The following DPYD variants were observed in gnomAD, a reference collection of about 807,000 sequenced individuals.
The protein encoded by DPYD is dihydropyrimidine dehydrogenase [NADP(+)].
DPYD carries 109 observed loss-of-function variants against 116.2 expected under a neutral mutation model. The observed-to-expected ratio is 0.94, with a 90% CI of 0.80 to 1.10. The LOEUF (loss-of-function observed/expected upper bound fraction) is 1.10, where lower values mean the gene tolerates loss of function less well. DPYD is among the 50% of genes least tolerant of loss of function. The pLI is 0.00. For synonymous variants in DPYD, 440 were observed against 432.0 expected, an observed-to-expected ratio of 1.02 and a Z score of -0.23; for missense variants, 1,302 against 1,254.5, an observed-to-expected ratio of 1.04 and a Z score of -0.57.
chr1:97,337,464 GACC>G (rs966154640), intron 16 of DPYD, among the ~76,000 whole-genome samples: 2 of 152,004 alleles, frequency 1.3e-5, no homozygotes, highest in Admixed American at 6.6e-5. Context: ...CTTCTGCCCT[GACC>G]ACCACATGCT....
intron 18 of DPYD, among the ~76,000 whole-genome samples, chr1:97,238,193 T>G (rs1002481809): frequency 2.0e-5 from 3 of 152,168 alleles, no homozygotes; most frequent in African/African-American, 7.2e-5. Context: ...ACAGAAAATC[T>G]TTTCAAAAAA....
chr1:97,518,817 A>G (rs1246495085), intron 12 of DPYD, among the ~76,000 whole-genome samples: 1 of 152,150 alleles, frequency 6.6e-6, no homozygotes, highest in Non-Finnish European at 1.5e-5. Context: ...CAGAAATGAT[A>G]CAGAAGAAAA....
intron 18 of DPYD, among the ~76,000 whole-genome samples, chr1:97,237,882 A>G (rs1462544389): frequency 6.6e-6 from 1 of 152,156 alleles, no homozygotes; most frequent in Non-Finnish European, 1.5e-5. Context: ...AATTTGAGCT[A>G]AGTAGATAAA....
At chr1:97,822,362 ATAT>A (rs1323938382) in intron 3 of DPYD, among the ~76,000 whole-genome samples, 1 of 148,034 alleles carries the variant, frequency 6.8e-6, no homozygotes, top group Non-Finnish European at 1.5e-5. Flanking sequence ...AAATTTATAA[ATAT>A]TGTAAAATTC....
chr1:97,350,575 T>C (rs567148159), intron 16 of DPYD, among the ~76,000 whole-genome samples: 1 of 152,270 alleles, frequency 6.6e-6, no homozygotes, highest in South Asian at 2.1e-4. Flanking sequence ...TAATAGCTTA[T>C]TATTGGAGCA....
intron 20 of DPYD, among the ~76,000 whole-genome samples, chr1:97,115,438 C>T (rs890865889): frequency 6.6e-6 from 1 of 152,106 alleles, no homozygotes; most frequent in African/African-American, 2.4e-5. Context: ...GTGGCCATTT[C>T]AAAGAGAAGC....
intron 16 of DPYD, among the ~76,000 whole-genome samples, chr1:97,323,425 CATATGTGTATATGTACACGTATATACAT>C: frequency 1.4e-5 from 1 of 71,228 alleles, no homozygotes; most frequent in South Asian, 4.0e-4. Flanking sequence ...CGTATATATA[CATATGTGTATATGTACACGTATATACAT>C]ATCATATATA....
chr1:97,461,481 A>G (rs1420204643), intron 13 of DPYD, among the ~76,000 whole-genome samples: 5 of 152,156 alleles, frequency 3.3e-5, no homozygotes, highest in African/African-American at 1.2e-4. Flanking sequence ...TGGCTACCTT[A>G]GGGAACCTTC....
intron 8 of DPYD, among the ~76,000 whole-genome samples, chr1:97,646,393 G>C (rs557182410): frequency 6.7e-6 from 1 of 148,404 alleles, no homozygotes; most frequent in Non-Finnish European, 1.5e-5. Context: ...TCATTCTTAT[G>C]CTCCTCCCAT....
chr1:97,491,319 A>G (rs1220752356), intron 13 of DPYD, among the ~76,000 whole-genome samples: 1 of 151,348 alleles, frequency 6.6e-6, no homozygotes, highest in Non-Finnish European at 1.5e-5. Context: ...TAATTCCTTC[A>G]TGGTGCCTGG....
intron 4 of DPYD, among the ~76,000 whole-genome samples, chr1:97,736,915 A>G (rs1353274896): frequency 4.0e-5 from 6 of 151,260 alleles, no homozygotes; most frequent in African/African-American, 1.5e-4. Context: ...TAATCTACAT[A>G]GCATATGTAC....
intron 18 of DPYD, among the ~76,000 whole-genome samples, chr1:97,293,067 A>C (rs969666225): frequency 6.6e-6 from 1 of 152,206 alleles, no homozygotes; most frequent in Non-Finnish European, 1.5e-5. Flanking sequence ...GTTATTTCTC[A>C]GTATATTAAT....
chr1:97,588,005 CAGG>C (rs1654258678), intron 10 of DPYD, among the ~76,000 whole-genome samples: 1 of 151,968 alleles, frequency 6.6e-6, no homozygotes, highest in Non-Finnish European at 1.5e-5. Context: ...GGAAAAAAAT[CAGG>C]TAAAAGGCAC....
At chr1:97,115,235 T>C (rs994888903) in intron 20 of DPYD, among the ~76,000 whole-genome samples, 4 of 152,208 alleles carry the variant, frequency 2.6e-5, no homozygotes, top group African/African-American at 9.6e-5. Flanking sequence ...GGTGCTGAAT[T>C]TGGGGTCTTC....
At position 97,392,477 on chromosome 1, in the gene DPYD, C is replaced by T. The variant is rs181715753; in HGVS notation, c.1906-10016G>A. Among the ~76,000 whole-genome samples the T allele has an allele frequency of 2.3e-3, 354 of 151,796 alleles. 1 individual carries two copies. Among genetic ancestry groups the T allele is most frequent in the Admixed American group, 4.3e-3 (66 of 15,220 alleles). ...GCTGTAGCAATTTCTTAAAATAAGACAATAAAGTTTGCTAGATTGATTGAC... is the reference window on the plus strand; with the variant it reads ...GCTGTAGCAATTTCTTAAAATAAGATAATAAAGTTTGCTAGATTGATTGAC... On this transcript the variant is annotated intron_variant, in intron 14 of 22. Transcript: ENST00000370192.
chr1:97,688,105 C>A (rs536899230), intron 7 of DPYD, among the ~76,000 whole-genome samples: 95 of 152,170 alleles, frequency 6.2e-4, no homozygotes, highest in Middle Eastern at 3.4e-3. Context: ...ATCTACGCAT[C>A]CTGCACGTGC....
At chr1:97,172,984 C>T (rs1240389992) in intron 20 of DPYD, among the ~76,000 whole-genome samples, 1 of 151,990 alleles carries the variant, frequency 6.6e-6, no homozygotes, top group African/African-American at 2.4e-5. Context: ...CCTTCTAATT[C>T]CATAACTCCG....
At chr1:97,305,817 T>TC (rs1406438154) in intron 17 of DPYD, among the ~76,000 whole-genome samples, 1 of 152,020 alleles carries the variant, frequency 6.6e-6, no homozygotes, top group Non-Finnish European at 1.5e-5. Flanking sequence ...AATTGAATTT[T>TC]CTTTTTTTCT....
chr1:97,260,188 A>AATAGAAATAGTCAGCTAAT (rs1553243962), intron 18 of DPYD, among the ~76,000 whole-genome samples: 1 of 152,124 alleles, frequency 6.6e-6, no homozygotes, highest in East Asian at 1.9e-4. Flanking sequence ...AAATGGTAAT[A>AATAGAAATAGTCAGCTAAT]ATAGAAATAG....
Sources: allele counts gnomAD v4.1 joint callset (sites outside exome capture counted in the v4.1 genomes callset), GRCh38; gene constraint gnomAD v4.1.1; transcripts MANE v1.5; gene names NCBI Gene and HGNC (gene_info 2026-07-23, HGNC 2026-07-21).